The following GMFB variants were observed in gnomAD, a reference collection of about 807,000 sequenced individuals.
The protein encoded by GMFB is glia maturation factor beta, also known as GMF-beta.
A neutral mutation model predicts 25.6 loss-of-function variants in GMFB; 13 were observed. The observed-to-expected ratio is 0.51, with a 90% CI of 0.33 to 0.81. GMFB has a LOEUF of 0.81. GMFB is among the 30% of genes least tolerant of loss of function. The probability of loss-of-function intolerance (pLI) is 0.02; values close to 1 mark genes in which losing one functional copy is unlikely to be tolerated. For synonymous variants in GMFB, 57 were observed against 56.9 expected (o/e 1.00, Z 0.00); for missense variants, 146 against 175.4 (o/e 0.83, Z 0.95).
intron 3 of GMFB, 166 bp downstream of exon 3, chr14:54,481,987 T>C (rs548478620): frequency 1.9e-4 from 111 of 583,220 alleles, no homozygotes; most frequent in Non-Finnish European, 2.8e-4. Context: ...GGTAGTTAAA[T>C]TAGCAATATC....
intron 5 of GMFB, chr14:54,480,606 G>T: frequency 6.8e-6 from 2 of 293,470 alleles, no homozygotes; most frequent in Non-Finnish European, 6.3e-6. Flanking sequence ...ATGTCATCAC[G>T]TTTCAAAATC....
Position 54,475,179 on chromosome 14 carries a change from C to T in GMFB, c.*2909G>A, listed in dbSNP as rs1315353792. ...CCACATATGGATTAATGACATTGCT[C>T]AGGTTTTAAAAGCAGTCCAAACATT... On this transcript the variant is annotated 3_prime_UTR_variant, in exon 7 of 7. Transcript: ENST00000358056. 1 of 152,556 alleles carries T rather than the reference C, an allele frequency of 6.6e-6. No homozygotes were observed. Among genetic ancestry groups the T allele is most frequent in the Admixed American group, 6.5e-5 (1 of 15,276 alleles). The allele number at this position is 152,556 out of a possible 1,614,324, so 9.5% of individuals were successfully genotyped here.
chr14:54,487,298 G>A lies in GMFB; in HGVS notation c.3+1627C>T, dbSNP rs1482185313. ...TGTAATCCCAGCACTTTGGGAGGCC[G>A]AGGCAGGTGGATCACGAGGTCAGGA... On this transcript the variant is annotated intron_variant, in intron 1 of 6. Coordinates refer to ENST00000358056, the MANE Select transcript of GMFB (RefSeq NM_004124.3). 2.7e-5 allele frequency among the ~76,000 whole-genome samples: 4 copies of A among 147,024 alleles called. No individual in the cohort carries two copies. In the Admixed American group the frequency reaches 2.8e-4, roughly 10 times the overall value.
chr14:54,488,701 G>A, intron 1 of GMFB: 1 of 489,004 alleles, frequency 2.0e-6, no homozygotes, highest in South Asian at 3.1e-5. Flanking sequence ...ATGGCCCGCT[G>A]GGCGGGTCCA....
In GMFB at chr14:54,487,640, G is replaced by A. The variant is rs537317542; in HGVS notation, c.3+1285C>T. Among the ~76,000 whole-genome samples the A allele has an allele frequency of 7.3e-4, 111 of 152,340 alleles. 1 individual carries two copies. Among genetic ancestry groups the A allele is most frequent in the Middle Eastern group, 6.8e-3 (2 of 294 alleles). ...AGGCAGGAGAACTGCTTGAACCTGG[G>A]AGGCGGAGGTTGCAATGGGCCGAGA... On this transcript the variant is annotated intron_variant, in intron 1 of 6. Transcript: ENST00000358056.
intron 2 of GMFB, among the ~76,000 whole-genome samples, chr14:54,482,903 AT>A (rs142253965): frequency 0.07 from 10,482 of 150,260 alleles, 578 homozygotes; most frequent in East Asian, 0.28. Context: ...TTTCACTTTT[AT>A]TTTTTTTTCA....
At position 54,477,326 on chromosome 14, in the gene GMFB, T is replaced by C. The variant is rs1310968494; in HGVS notation, c.*762A>G. On this transcript the variant is annotated 3_prime_UTR_variant, in exon 7 of 7. Transcript: ENST00000358056. ...ATTAACACATTTAAAATAATTAGTG[T>C]TCACAGGACATTGAGGTGCTTTATA... The C allele has an allele frequency of 6.6e-6, 1 of 152,478 alleles. No homozygotes were observed. The highest frequency in any genetic ancestry group is 2.4e-5 in the African/African-American group (1 of 41,424). 9.4% of individuals were successfully genotyped at this position (152,478 alleles called of 1,614,324 possible).
intron 2 of GMFB, 127 bp downstream of exon 2, chr14:54,483,544 G>A (rs2031741308): frequency 4.8e-6 from 3 of 627,442 alleles, no homozygotes; most frequent in South Asian, 3.9e-5. Context: ...GTGATCTAAA[G>A]GTGGTGGTGG....
chr14:54,479,780 T>TA lies in GMFB; in HGVS notation c.357+5dup. The TA allele has an allele frequency of 6.5e-7, 1 of 1,535,432 alleles. No homozygotes were observed. On this transcript the variant is annotated splice_donor_region_variant and intron_variant, in intron 6 of 6. Transcript: ENST00000358056. ...TCTCAACAAGTCAGTCAAATATAAA[T>TA]ACCACCTTGGTTAGTTCAGCTGTCT...
chr14:54,482,213 A>C lies in GMFB; in HGVS notation c.101-11T>G. Reference sequence around the variant, plus strand: ...CCTTGTCAATCTTCACTAAAATAAAAATCAAGTATGAGTAAGCTGGGATTC... The same window carrying C: ...CCTTGTCAATCTTCACTAAAATAAACATCAAGTATGAGTAAGCTGGGATTC... On this transcript the variant is annotated splice_polypyrimidine_tract_variant and intron_variant, in intron 2 of 6. Transcript: ENST00000358056. 2.5e-6 allele frequency: 4 copies of C among 1,585,616 alleles called. No homozygotes were observed. The highest frequency in any genetic ancestry group is 3.5e-6 in the Non-Finnish European group (4 of 1,154,310).
At chr14:54,485,579 T>G (rs916808568) in intron 1 of GMFB, among the ~76,000 whole-genome samples, 4 of 152,148 alleles carry the variant, frequency 2.6e-5, no homozygotes, top group Non-Finnish European at 5.9e-5. Context: ...ATTGTTAAAA[T>G]GTCCATACTA....
chr14:54,484,259 A>G (rs2140034970), intron 1 of GMFB, among the ~76,000 whole-genome samples: 1 of 152,234 alleles, frequency 6.6e-6, no homozygotes, highest in Non-Finnish European at 1.5e-5. Flanking sequence ...AAAACCCCAT[A>G]AGAGTAAAGA....
chr14:54,487,987 G>C (rs1036155796), intron 1 of GMFB, among the ~76,000 whole-genome samples: 5 of 152,160 alleles, frequency 3.3e-5, no homozygotes, highest in African/African-American at 1.2e-4. Flanking sequence ...AATGAAGGAA[G>C]AGAATGCTTC....
chr14:54,488,886 C>T, intron 1 of GMFB, 39 bp downstream of exon 1: 2 of 1,543,888 alleles, frequency 1.3e-6, no homozygotes, highest in African/African-American at 1.4e-5. Context: ...GGCCGGCTCG[C>T]CCAGCCCTCC....
chr14:54,479,132 A>T (rs1483940189), intron 6 of GMFB: 1 of 152,146 alleles, frequency 6.6e-6, no homozygotes, highest in African/African-American at 2.4e-5. Flanking sequence ...TCTTAAAATA[A>T]AACTTGAAAG....
At chr14:54,485,154 A>G (rs749962196) in intron 1 of GMFB, among the ~76,000 whole-genome samples, 9 of 152,302 alleles carry the variant, frequency 5.9e-5, no homozygotes, top group Non-Finnish European at 8.8e-5. Flanking sequence ...TATTCAACAT[A>G]GTACTGGGAG....
Position 54,483,678 on chromosome 14 carries a change from A to C in GMFB, c.93T>G (p.Ala31=). The stretch of plus-strand genomic sequence containing the variant: ...CAATCACTTTTAGCTTACTTATAAT[A>C]GCAGCGTTGTTCGTTTCTTTGCGAA... ...FRFRKETNNA[A]IIMKIDKDKR... The change falls in exon 2 of 7, where the codon GCT becomes GCG. Residue 31 remains alanine, a synonymous_variant. Transcript: ENST00000358056. 6.5e-7 allele frequency: 1 copy of C among 1,544,166 alleles called. No homozygotes were observed. The highest frequency in any genetic ancestry group is 8.9e-7 in the Non-Finnish European group (1 of 1,117,394).
At chr14:54,481,673 A>T (rs1256426029) in intron 3 of GMFB, among the ~76,000 whole-genome samples, 1 of 152,146 alleles carries the variant, frequency 6.6e-6, no homozygotes, top group Admixed American at 6.5e-5. Context: ...CCATTTATTA[A>T]GTAAATATGG....
chr14:54,479,930 T>C lies in GMFB; in HGVS notation c.284-71A>G. 3 of 870,016 alleles carry C rather than the reference T, an allele frequency of 3.4e-6. No individual in the cohort carries two copies. The Admixed American group carries it at 5.9e-5, about 17-fold the overall frequency. 53.9% of individuals were successfully genotyped at this position (870,016 alleles called of 1,614,324 possible). On this transcript the variant is annotated intron_variant, in intron 5 of 6. Transcript: ENST00000358056. ...AAGGTATGGGTTATCATTATTTTTA[T>C]TTTTTAAAATGACACATTTAGGATT... is the stretch of plus-strand genomic sequence containing the variant.
Sources: gnomAD v4.1 joint callset for allele counts (sites outside exome capture counted in the v4.1 genomes callset) on GRCh38, gnomAD v4.1.1 for gene constraint, MANE v1.5 for transcripts, NCBI Gene and HGNC (gene_info 2026-07-23, HGNC 2026-07-21) for gene names.